The following SLC35F4 variants were observed in gnomAD, a reference collection of about 807,000 sequenced individuals.
SLC35F4 encodes chromosome 14 open reading frame 36.
In SLC35F4, 24 loss-of-function variants were observed where a neutral mutation model predicts 44.2. That is an observed-to-expected ratio of 0.54 (90% CI 0.39 to 0.76). The LOEUF is 0.76. Ranked by LOEUF, SLC35F4 falls within the 30% of genes least tolerant of loss-of-function variation. SLC35F4 has a pLI of 0.00. For missense variants in SLC35F4, 562 were observed against 586.1 expected (o/e 0.96, Z 0.42); for synonymous variants, 238 against 223.6 (o/e 1.06, Z -0.57).
chr14:57,960,081 T>A (rs568294418), intron 1 of SLC35F4, among the ~76,000 whole-genome samples: 1 of 152,290 alleles, frequency 6.6e-6, no homozygotes, highest in East Asian at 1.9e-4. Flanking sequence ...TGCCTCAGTC[T>A]CCTAGTCAGC....
chr14:57,629,278 A>G (rs1183106152), intron 1 of SLC35F4, among the ~76,000 whole-genome samples: 1 of 152,088 alleles, frequency 6.6e-6, no homozygotes, highest in Non-Finnish European at 1.5e-5. Context: ...ACATTCAAAC[A>G]ATGTTTGACC....
At chr14:57,692,408 A>G (rs1296639618) in intron 1 of SLC35F4, among the ~76,000 whole-genome samples, 2 of 152,262 alleles carry the variant, frequency 1.3e-5, no homozygotes, top group Non-Finnish European at 2.9e-5. Context: ...TTTTTAATTT[A>G]TAATCATTTT....
chr14:57,973,420 G>T (rs147600525), downstream of SLC35F4, among the ~76,000 whole-genome samples: 15 of 152,144 alleles, frequency 9.9e-5, no homozygotes, highest in East Asian at 2.5e-3. Context: ...CTTCAATTGG[G>T]TCTACACACC....
intron 1 of SLC35F4, among the ~76,000 whole-genome samples, chr14:57,771,793 T>C (rs1412511030): frequency 6.6e-6 from 1 of 152,280 alleles, no homozygotes; most frequent in African/African-American, 2.4e-5. Flanking sequence ...AGGATCTTTC[T>C]GTGTTGTCCA....
intron 1 of SLC35F4, among the ~76,000 whole-genome samples, chr14:57,818,104 G>A (rs576164467): frequency 6.6e-6 from 1 of 152,274 alleles, no homozygotes; most frequent in South Asian, 2.1e-4. Context: ...GTGGAATTTG[G>A]TAATGGCAGA....
At chr14:57,936,220 C>T (rs1889793134) in intron 1 of SLC35F4, among the ~76,000 whole-genome samples, 1 of 152,140 alleles carries the variant, frequency 6.6e-6, no homozygotes, top group African/African-American at 2.4e-5. Context: ...AATGAAACTA[C>T]AAGTTAGAAG....
intron 1 of SLC35F4, among the ~76,000 whole-genome samples, chr14:57,624,708 T>C (rs1329194949): frequency 6.6e-6 from 1 of 152,192 alleles, no homozygotes; most frequent in Non-Finnish European, 1.5e-5. Flanking sequence ...AAATATGACA[T>C]GATTATCTCA....
At chr14:57,721,857 TAAACC>T (rs2076093346) in intron 1 of SLC35F4, among the ~76,000 whole-genome samples, 1 of 152,100 alleles carries the variant, frequency 6.6e-6, no homozygotes, top group African/African-American at 2.4e-5. Context: ...TCTGAGGAGA[TAAACC>T]CTGTGTCTCC....
chr14:57,600,704 A>AC (rs1342104949), intron 1 of SLC35F4, among the ~76,000 whole-genome samples: 1 of 143,638 alleles, frequency 7.0e-6, no homozygotes, highest in East Asian at 1.9e-4. Context: ...AAAAAAAAAA[A>AC]AAAAAAAAAA....
At chr14:57,974,429 G>T (rs149224255), downstream of SLC35F4, among the ~76,000 whole-genome samples, 1,616 of 152,290 alleles carry the variant, frequency 0.011, 30 homozygotes, top group African/African-American at 0.037. Context: ...TCAAAAGATG[G>T]GGAGTTAGAC....
intron 1 of SLC35F4, among the ~76,000 whole-genome samples, chr14:57,916,595 G>A (rs1408589115): frequency 4.6e-5 from 7 of 151,926 alleles, no homozygotes; most frequent in Non-Finnish European, 8.8e-5. Context: ...CTTCTTCTCC[G>A]CTGGTATTCC....
chr14:57,645,135 T>C (rs905771458), intron 1 of SLC35F4, among the ~76,000 whole-genome samples: 4 of 152,168 alleles, frequency 2.6e-5, no homozygotes, highest in Non-Finnish European at 5.9e-5. Context: ...AACTTTAAAG[T>C]AGTTTTTTCC....
rs1273810378 is a variant in SLC35F4 at position 57,812,317 on chromosome 14, AC to A, written c.103+53405del. ...CCCACCTCCCTTTCAGAGTCTACTT[AC>A]ATGAGGCCACTCGGTATCCACCAAG... On this transcript the variant is annotated intron_variant, in intron 1 of 7. Coordinates refer to ENST00000556826, the MANE Select transcript of SLC35F4 (RefSeq NM_001306087.2). Among the ~76,000 whole-genome samples the A allele has an allele frequency of 5.9e-5, 9 of 152,264 alleles. No homozygotes were observed. The South Asian group carries it at 1.9e-3, about 32-fold the overall frequency.
chr14:57,782,401 G>A (rs755946462), intron 1 of SLC35F4, among the ~76,000 whole-genome samples: 1 of 151,576 alleles, frequency 6.6e-6, no homozygotes, highest in African/African-American at 2.4e-5. Flanking sequence ...AAAAAGGCAT[G>A]TCATGAATGT....
chr14:57,592,265 A>G (rs2070237477), intron 2 of SLC35F4, among the ~76,000 whole-genome samples: 2 of 152,230 alleles, frequency 1.3e-5, no homozygotes, highest in Admixed American at 6.5e-5. Context: ...ACATTTTTAA[A>G]TTCCTTTCTT....
intron 1 of SLC35F4, among the ~76,000 whole-genome samples, chr14:57,729,571 C>T (rs1249847354): frequency 6.6e-6 from 1 of 152,130 alleles, no homozygotes; most frequent in Non-Finnish European, 1.5e-5. Context: ...TGACTCTGCT[C>T]AGTGCCTTAT....
upstream of SLC35F4, among the ~76,000 whole-genome samples, chr14:57,982,633 G>T (rs574599092): frequency 6.6e-6 from 1 of 152,310 alleles, no homozygotes; most frequent in Admixed American, 6.5e-5. Context: ...CATGGTGCTA[G>T]AATTCAGAAG....
intron 3 of SLC35F4, among the ~76,000 whole-genome samples, chr14:57,586,957 G>A (rs2069787491): frequency 6.9e-6 from 1 of 145,512 alleles, no homozygotes; most frequent in Non-Finnish European, 1.5e-5. Flanking sequence ...AAATTTACAA[G>A]AAAAAAAAAC....
chr14:57,902,628 G>A (rs1026065580), intron 1 of SLC35F4, among the ~76,000 whole-genome samples: 6 of 151,494 alleles, frequency 4.0e-5, no homozygotes, highest in East Asian at 1.9e-4. Context: ...CTATGGGAAC[G>A]ATTCAAATAA....
Sources: gnomAD v4.1 joint callset for allele counts (sites outside exome capture counted in the v4.1 genomes callset) on GRCh38, gnomAD v4.1.1 for gene constraint, MANE v1.5 for transcripts, NCBI Gene and HGNC (gene_info 2026-07-23, HGNC 2026-07-21) for gene names.